Variants in WHRN observed in about 807,000 individuals in gnomAD.
The protein encoded by WHRN is whirlin.
A neutral mutation model predicts 68.3 loss-of-function variants in WHRN; 41 were observed. The ratio of observed to expected loss-of-function variants is 0.60; its 90% confidence interval spans 0.47 to 0.78. WHRN has a LOEUF of 0.78. Ranked by LOEUF, WHRN falls within the 30% of genes least tolerant of loss-of-function variation. The pLI, the probability that WHRN is intolerant of heterozygous loss-of-function variation, is 0.00. For missense variants in WHRN, 1,243 were observed against 1,244.7 expected (o/e 1.00, Z 0.02); for synonymous variants, 560 against 561.3 (o/e 1.00, Z 0.03).
At chr9:114,411,463 G>A (rs946110364) in intron 7 of WHRN, among the ~76,000 whole-genome samples, 8 of 152,196 alleles carry the variant, frequency 5.3e-5, no homozygotes, top group South Asian at 2.1e-4. Context: ...AGCTGATCCT[G>A]GGGGAAGCTG....
intron 3 of WHRN, among the ~76,000 whole-genome samples, chr9:114,450,052 C>T (rs1839186010): frequency 6.6e-6 from 1 of 152,086 alleles, no homozygotes; most frequent in African/African-American, 2.4e-5. Flanking sequence ...CTTGTGGACC[C>T]GCCCAGGAGT....
chr9:114,418,755 C>T (rs1236545814), intron 7 of WHRN, among the ~76,000 whole-genome samples: 2 of 152,256 alleles, frequency 1.3e-5, no homozygotes, highest in Admixed American at 6.5e-5. Context: ...TCACCACCTG[C>T]AGGTCTTGAC....
rs1844196010 is a variant in WHRN at position 114,504,296 on chromosome 9, G to C, written c.506C>G (p.Ser169Cys). The C allele has an allele frequency of 6.2e-7, 1 of 1,613,706 alleles. No homozygotes were observed. The highest frequency in any genetic ancestry group is 2.2e-5 in the East Asian group (1 of 44,882). The change falls in exon 1 of 12, where the codon TCT becomes TGT. Residue 169 changes from serine (S) to cysteine (C), a missense_variant. By Grantham distance (112) the Ser-to-Cys change is moderately radical. Coordinates refer to ENST00000362057, the MANE Select transcript of WHRN (RefSeq NM_015404.4). ...GSEHGVGIYV[S>C]LVEPGSLAEK... The stretch of plus-strand genomic sequence containing the variant: ...AGCTAGAGAGCCTGGTTCCACCAGA[G>C]ACACGTAGATGCCCACGCCGTGCTC...
At position 114,402,237 on chromosome 9, in the gene WHRN, A is replaced by C; in HGVS notation, c.*517T>G. The C allele has an allele frequency of 5.9e-6, 1 of 170,176 alleles. No individual in the cohort carries two copies. Among genetic ancestry groups the C allele is most frequent in the Non-Finnish European group, 1.3e-5 (1 of 77,808 alleles). The allele number at this position is 170,176 out of a possible 1,614,324, so 10.5% of individuals were successfully genotyped here. ...CCCCAGGGGCATGGGGAGGGAAATAAATAATAAACACCATGGGGGATAAGG... is the reference window on the plus strand; with the variant it reads ...CCCCAGGGGCATGGGGAGGGAAATACATAATAAACACCATGGGGGATAAGG... On this transcript the variant is annotated 3_prime_UTR_variant, in exon 12 of 12. Coordinates refer to ENST00000362057, the MANE Select transcript of WHRN (RefSeq NM_015404.4).
chr9:114,480,732 T>G (rs1203345145), intron 1 of WHRN, among the ~76,000 whole-genome samples: 4 of 152,216 alleles, frequency 2.6e-5, no homozygotes, highest in African/African-American at 9.6e-5. Flanking sequence ...ATGCTGCCAT[T>G]GAAATCCTAT....
At chr9:114,424,890 T>C in intron 5 of WHRN, 98 bp downstream of exon 5, 1 of 1,315,132 alleles carries the variant, frequency 7.6e-7, no homozygotes, top group Non-Finnish European at 1.1e-6. Flanking sequence ...CCAGTTGGAA[T>C]GAGGTAGTGT....
intron 7 of WHRN, among the ~76,000 whole-genome samples, chr9:114,418,075 T>G (rs766625645): frequency 3.3e-5 from 5 of 152,164 alleles, no homozygotes; most frequent in African/African-American, 7.2e-5. Context: ...GCAGGAGGGC[T>G]TCCACGTGGA....
At chr9:114,437,238 C>T (rs1474359334) in intron 3 of WHRN, among the ~76,000 whole-genome samples, 4 of 151,974 alleles carry the variant, frequency 2.6e-5, no homozygotes, top group Non-Finnish European at 5.9e-5. Context: ...TAAATCATGC[C>T]CTCTATAAGA....
chr9:114,449,716 C>T (rs543800143), intron 3 of WHRN, among the ~76,000 whole-genome samples: 5 of 152,140 alleles, frequency 3.3e-5, no homozygotes, highest in East Asian at 1.9e-4. Flanking sequence ...AATCACCTTC[C>T]GGCTCCTTGG....
chr9:114,419,435 C>T (rs1032780404), intron 7 of WHRN, among the ~76,000 whole-genome samples: 6 of 152,236 alleles, frequency 3.9e-5, no homozygotes, highest in African/African-American at 1.2e-4. Context: ...GGTAACCGCA[C>T]GTGCGATCGC....
chr9:114,464,641 T>A (rs574370273), intron 3 of WHRN, among the ~76,000 whole-genome samples: 1 of 152,302 alleles, frequency 6.6e-6, no homozygotes, highest in African/African-American at 2.4e-5. Context: ...GTGGCAATGT[T>A]TACTATAATA....
At chr9:114,446,244 A>G (rs944273436) in intron 3 of WHRN, among the ~76,000 whole-genome samples, 6 of 152,172 alleles carry the variant, frequency 3.9e-5, no homozygotes, top group East Asian at 1.9e-4. Context: ...GGCAGACACA[A>G]AGGCCACATA....
intron 3 of WHRN, 60 bp from the exon 4 acceptor site, chr9:114,426,473 CT>C: frequency 6.3e-7 from 1 of 1,589,676 alleles, no homozygotes; most frequent in Non-Finnish European, 8.6e-7. Context: ...ACACTAGGGA[CT>C]TCACAGCCCA....
chr9:114,456,694 G>A (rs1312030881), intron 3 of WHRN, among the ~76,000 whole-genome samples: 1 of 152,062 alleles, frequency 6.6e-6, no homozygotes, highest in Non-Finnish European at 1.5e-5. Flanking sequence ...GCTAGGTGTG[G>A]TGATGCATGT....
chr9:114,403,564 T>C (rs1834820034), intron 10 of WHRN, among the ~76,000 whole-genome samples: 4 of 152,226 alleles, frequency 2.6e-5, no homozygotes, highest in African/African-American at 9.6e-5. Context: ...TGCCTAAGGC[T>C]GTCTGGTGGT....
chr9:114,411,122 G>T (rs184141306), intron 7 of WHRN, among the ~76,000 whole-genome samples: 2 of 152,296 alleles, frequency 1.3e-5, no homozygotes, highest in Admixed American at 6.5e-5. Context: ...CTTGCAATCT[G>T]CCCCAGCAAG....
rs551534701 is a variant in WHRN at position 114,450,832 on chromosome 9, C to A, written c.963+15435G>T. Among the ~76,000 whole-genome samples, 6 of 148,360 alleles carry A rather than the reference C, an allele frequency of 4.0e-5. No homozygotes were observed. The South Asian group carries it at 1.0e-3, about 26-fold the overall frequency. ...ATTGTTATTATTATTAGTTTCCCCC[C>A]CCGCAAAAAAATACTTTCTGCTGAG... On this transcript the variant is annotated intron_variant, in intron 3 of 11. Coordinates refer to ENST00000362057, the MANE Select transcript of WHRN (RefSeq NM_015404.4).
chr9:114,439,044 T>G (rs908554740), intron 3 of WHRN, among the ~76,000 whole-genome samples: 2 of 151,412 alleles, frequency 1.3e-5, no homozygotes, highest in African/African-American at 4.9e-5. Context: ...CTATCTTTTA[T>G]AGAAGAAAGA....
At chr9:114,408,450 A>G (rs529922221) in intron 7 of WHRN, among the ~76,000 whole-genome samples, 1 of 152,294 alleles carries the variant, frequency 6.6e-6, no homozygotes, top group African/African-American at 2.4e-5. Flanking sequence ...TTAAAATTCT[A>G]ATGGTTTTAA....
Sources: allele counts gnomAD v4.1 joint callset (sites outside exome capture counted in the v4.1 genomes callset), GRCh38; gene constraint gnomAD v4.1.1; transcripts MANE v1.5; gene names NCBI Gene and HGNC (gene_info 2026-07-23, HGNC 2026-07-21).